Variants in DYM observed in about 807,000 individuals in gnomAD.
DYM encodes dymeclin.
DYM carries 78 observed loss-of-function variants against 93.1 expected under a neutral mutation model. The ratio of observed to expected loss-of-function variants is 0.84; its 90% CI spans 0.70 to 1.01. The LOEUF (loss-of-function observed/expected upper bound fraction) is 1.01, where lower values mean the gene tolerates loss of function less well. DYM is among the 50% of genes least tolerant of loss of function. The pLI, the probability that DYM is intolerant of heterozygous loss-of-function variation, is 0.00. For missense variants in DYM, 789 were observed against 845.0 expected (o/e 0.93, Z 0.82); for synonymous variants, 321 against 319.7 (o/e 1.00, Z -0.04).
At chr18:49,104,826 G>A (rs192899273) in intron 16 of DYM, among the ~76,000 whole-genome samples, 21 of 152,236 alleles carry the variant, frequency 1.4e-4, no homozygotes, top group Middle Eastern at 6.8e-3. Flanking sequence ...ATTTTATCAG[G>A]ATTTTTGCAC....
chr18:49,180,446 A>G (rs2089821063), intron 14 of DYM, among the ~76,000 whole-genome samples: 1 of 152,174 alleles, frequency 6.6e-6, no homozygotes, highest in African/African-American at 2.4e-5. Flanking sequence ...AGTAACCTAT[A>G]TGGACAGTAC....
intron 14 of DYM, among the ~76,000 whole-genome samples, chr18:49,172,456 T>G (rs969537980): frequency 6.6e-6 from 1 of 152,228 alleles, no homozygotes; most frequent in Non-Finnish European, 1.5e-5. Context: ...TTTCAGTCTT[T>G]TTCACTTTAG....
intron 8 of DYM, among the ~76,000 whole-genome samples, chr18:49,325,590 C>A (rs940634087): frequency 6.6e-6 from 1 of 151,998 alleles, no homozygotes; most frequent in Non-Finnish European, 1.5e-5. Flanking sequence ...ACACAGAGAG[C>A]CATACCTTTA....
chr18:49,285,228 A>G (rs1364102476), intron 9 of DYM, among the ~76,000 whole-genome samples: 1 of 152,210 alleles, frequency 6.6e-6, no homozygotes, highest in Non-Finnish European at 1.5e-5. Flanking sequence ...CACACTGCAA[A>G]TAATACCAGA....
At chr18:49,449,028 C>T (rs1328620897) in intron 1 of DYM, among the ~76,000 whole-genome samples, 4 of 152,138 alleles carry the variant, frequency 2.6e-5, no homozygotes, top group African/African-American at 9.7e-5. Flanking sequence ...CCAACCATAC[C>T]ACCAGTTCTT....
chr18:49,113,710 G>T (rs2081641682), intron 16 of DYM, among the ~76,000 whole-genome samples: 1 of 152,196 alleles, frequency 6.6e-6, no homozygotes, highest in Non-Finnish European at 1.5e-5. Context: ...AAATTTCAGG[G>T]ATCTTTGGGG....
At chr18:49,177,907 T>A (rs1030228423) in intron 14 of DYM, among the ~76,000 whole-genome samples, 2 of 152,150 alleles carry the variant, frequency 1.3e-5, no homozygotes, top group Non-Finnish European at 2.9e-5. Context: ...GGATAAGATA[T>A]TCTTTGAGTT....
intron 16 of DYM, among the ~76,000 whole-genome samples, chr18:49,106,448 A>G (rs1354640805): frequency 1.3e-5 from 2 of 152,256 alleles, no homozygotes; most frequent in South Asian, 2.1e-4. Flanking sequence ...TCCTGTCATT[A>G]TGATGTTAGT....
intron 2 of DYM, among the ~76,000 whole-genome samples, chr18:49,409,275 C>T (rs1268054601): frequency 7.3e-6 from 1 of 137,654 alleles, no homozygotes; most frequent in East Asian, 2.1e-4. Flanking sequence ...CAGAGTGAGA[C>T]TCTGTCTCAA....
At chr18:49,378,737 A>G (rs1235631079) in intron 4 of DYM, 37 bp from the exon 5 acceptor site, 14 of 1,606,370 alleles carry the variant, frequency 8.7e-6, no homozygotes, top group African/African-American at 1.3e-5. Flanking sequence ...TCAATATTTA[A>G]ACATAAGCAC....
chr18:49,231,478 A>G (rs1420925546), intron 13 of DYM, among the ~76,000 whole-genome samples: 1 of 152,198 alleles, frequency 6.6e-6, no homozygotes, highest in Non-Finnish European at 1.5e-5. Flanking sequence ...TTTTCCATCC[A>G]TCTCTCTGAT....
At chr18:49,154,995 T>C (rs866813527) in intron 15 of DYM, among the ~76,000 whole-genome samples, 6 of 152,346 alleles carry the variant, frequency 3.9e-5, no homozygotes, top group South Asian at 2.1e-4. Context: ...ATGGGTATCT[T>C]TTCATATAAA....
chr18:49,411,241 A>G (rs911614688), intron 2 of DYM, among the ~76,000 whole-genome samples: 7 of 152,322 alleles, frequency 4.6e-5, no homozygotes, highest in African/African-American at 1.4e-4. Flanking sequence ...ACACTCCAGC[A>G]ACTAGTTGGA....
At chr18:49,459,723 A>C (rs1023340925) in intron 1 of DYM, among the ~76,000 whole-genome samples, 1 of 152,120 alleles carries the variant, frequency 6.6e-6, no homozygotes, top group African/African-American at 2.4e-5. Context: ...TTCAGTAGAG[A>C]ACAGCTTTAT....
chr18:49,223,824 T>C (rs1015266685), intron 13 of DYM, among the ~76,000 whole-genome samples: 4 of 152,102 alleles, frequency 2.6e-5, no homozygotes, highest in African/African-American at 4.8e-5. Flanking sequence ...GAAGGAAACA[T>C]GTCTCCTATG....
At chr18:49,275,297 T>C (rs866437273) in intron 10 of DYM, among the ~76,000 whole-genome samples, 6 of 152,190 alleles carry the variant, frequency 3.9e-5, no homozygotes, top group Admixed American at 3.9e-4. Context: ...GGTTTATTTC[T>C]AGACTCTCAA....
intron 8 of DYM, among the ~76,000 whole-genome samples, chr18:49,297,166 G>C (rs1431635392): frequency 2.6e-5 from 4 of 152,026 alleles, no homozygotes; most frequent in African/African-American, 9.7e-5. Context: ...CACTGATGAG[G>C]GCACTAGGAG....
At chr18:49,120,204 C>A (rs77904390) in intron 15 of DYM, among the ~76,000 whole-genome samples, 1,754 of 150,774 alleles carry the variant, frequency 0.012, 40 homozygotes, top group South Asian at 0.071. Flanking sequence ...AAAAGGGAAA[C>A]CAACTAAAAA....
At chr18:49,131,483 C>T (rs2083376201) in intron 15 of DYM, among the ~76,000 whole-genome samples, 1 of 152,072 alleles carries the variant, frequency 6.6e-6, no homozygotes, top group East Asian at 1.9e-4. Context: ...CTTTGGCCTC[C>T]CAAAGTGCTA....
Sources: allele counts gnomAD v4.1 joint callset (sites outside exome capture counted in the v4.1 genomes callset), GRCh38; gene constraint gnomAD v4.1.1; transcripts MANE v1.5; gene names NCBI Gene and HGNC (gene_info 2026-07-23, HGNC 2026-07-21).